The following TRPM5 variants were observed in gnomAD, a reference collection of about 807,000 sequenced individuals.
The protein encoded by TRPM5 is MLSN1 and TRP-related.
TRPM5 carries 121 observed loss-of-function variants against 124.9 expected under a neutral mutation model. The ratio of observed to expected loss-of-function variants is 0.97; its 90% CI spans 0.84 to 1.13. The LOEUF (loss-of-function observed/expected upper bound fraction) is 1.13, where lower values mean the gene tolerates loss of function less well. Among genes scored for constraint, TRPM5 ranks in the 50% most tolerant of loss-of-function variants. The pLI is 0.00. For synonymous variants in TRPM5, 781 were observed against 700.5 expected (o/e 1.11, Z -1.81); for missense variants, 1,643 against 1,589.1 (o/e 1.03, Z -0.58).
At chr11:2,428,212 A>G in the TRPM5 span, among the ~76,000 whole-genome samples, 2 of 152,192 alleles carry the variant, frequency 1.3e-5, no homozygotes, top group Non-Finnish European at 2.9e-5. This position sits in a 1 kb window ranked among gnomAD's most constrained non-coding sequence, Gnocchi z 4.0. Flanking sequence ...CAGGTAACAC[A>G]TGAGGAGAAC....
At chr11:2,415,824 C>A in intron 8 of TRPM5, 82 bp downstream of exon 13, 1 of 1,070,048 alleles carries the variant, frequency 9.3e-7, no homozygotes, top group Admixed American at 2.1e-5. Context: ...AGCCAAGCAG[C>A]CCACAGGGTG....
the TRPM5 span, among the ~76,000 whole-genome samples, chr11:2,441,039 G>C: frequency 6.6e-6 from 1 of 152,242 alleles, no homozygotes; most frequent in Non-Finnish European, 1.5e-5. The surrounding 1 kb of genome is among the most constrained non-coding windows in gnomAD (Gnocchi z 7.2). Context: ...GAAGGTTGGT[G>C]TGAGGTAGAT....
chr11:2,432,380 C>T, the TRPM5 span, among the ~76,000 whole-genome samples: 4 of 152,218 alleles, frequency 2.6e-5, no homozygotes, highest in Non-Finnish European at 5.9e-5. Context: ...GGGCCCAGCC[C>T]CTGCCCCCAC....
At chr11:2,417,588 A>G (rs570347674) in intron 7 of TRPM5, 139 bp downstream of exon 12, 11 of 627,940 alleles carry the variant, frequency 1.8e-5, no homozygotes, top group African/African-American at 5.5e-5. Context: ...AGACAGCTTC[A>G]TGAATCATGT....
the TRPM5 span, among the ~76,000 whole-genome samples, chr11:2,430,866 TTGG>T: frequency 3.0e-4 from 30 of 101,410 alleles, no homozygotes; most frequent in Admixed American, 3.0e-3. Flanking sequence ...GGAGGTGGTG[TTGG>T]TGGTGGTGGT....
At chr11:2,417,699 C>T (rs1461793929) in intron 7 of TRPM5, 28 bp downstream of exon 12, 2 of 1,459,794 alleles carry the variant, frequency 1.4e-6, no homozygotes, top group East Asian at 4.8e-5. Context: ...CCAATGGCGC[C>T]TGCCTTGCCC....
chr11:2,405,751 C>A (rs560321735), intron 22 of TRPM5, among the ~76,000 whole-genome samples, 158 bp from the exon 28 acceptor site: 1 of 152,126 alleles, frequency 6.6e-6, no homozygotes, highest in East Asian at 1.9e-4. Flanking sequence ...GTGAGGCTCC[C>A]GTGAGGCGTG....
exon 17 of TRPM5, chr11:2,411,689 A>G: frequency 1.2e-6 from 2 of 1,612,534 alleles, no homozygotes; most frequent in Non-Finnish European, 1.7e-6. Flanking sequence ...TGGCAAAGAT[A>G]TGGATCAGCC....
the TRPM5 span, among the ~76,000 whole-genome samples, chr11:2,441,335 G>A: frequency 1.3e-5 from 2 of 152,150 alleles, no homozygotes; most frequent in East Asian, 3.8e-4. This position sits in a 1 kb window ranked among gnomAD's most constrained non-coding sequence, Gnocchi z 7.2. Context: ...CACACAGAGA[G>A]TGGCCACTGG....
Position 2,414,698 on chromosome 11 carries a change from A to C in TRPM5, c.1744+17T>G, listed in dbSNP as rs749985152. 52 of 1,526,056 alleles carry C rather than the reference A, an allele frequency of 3.4e-5. No homozygotes were observed. The highest frequency in any genetic ancestry group is 4.4e-5 in the Non-Finnish European group (50 of 1,137,038). 94.5% of individuals were successfully genotyped at this position (1,526,056 alleles called of 1,614,324 possible). A position where few individuals can be genotyped will look rare whatever the true frequency, so the allele number is the denominator to read the frequency against. ...CTCCCCCGCGCGCGGGCCCGGCCCC[A>C]GCCGCCGGTCACTCACCAAGGGCCA... On this transcript the variant is annotated intron_variant, in intron 11 of 23. Coordinates refer to ENST00000155858, the Ensembl canonical transcript of TRPM5.
rs770058245 is a variant in TRPM5, at chr11:2,406,647, A to G, written c.3251+14T>C. The G allele has an allele frequency of 2.5e-6, 4 of 1,599,646 alleles. No individual in the cohort carries two copies. Among genetic ancestry groups the G allele is most frequent in the South Asian group, 1.1e-5 (1 of 88,356 alleles). On this transcript the variant is annotated intron_variant, in intron 21 of 23. Coordinates refer to ENST00000155858, the Ensembl canonical transcript of TRPM5. ...AGCCCGATACCCACCAGTGATCAGG[A>G]CAGGCCCCCGCACCTGTGGGCGGTT...
Position 2,413,129 on chromosome 11 carries a change from C to T in TRPM5, c.2096+5G>A, listed in dbSNP as rs746077730. 31 of 1,553,074 alleles carry T rather than the reference C, an allele frequency of 2.0e-5. No individual in the cohort carries two copies. Among genetic ancestry groups the T allele is most frequent in the African/African-American group, 2.7e-5 (2 of 73,408 alleles). ...CTCCACCCTGCCTGGCCCTGTGCCT[C>T]GCACCGGCTCTGCAGGCCATACAGC... On this transcript the variant is annotated splice_donor_5th_base_variant and intron_variant, in intron 14 of 23. Coordinates refer to ENST00000155858, the Ensembl canonical transcript of TRPM5.
At chr11:2,424,930 C>T (rs1019626189), upstream of TRPM5, among the ~76,000 whole-genome samples, 11 of 152,218 alleles carry the variant, frequency 7.2e-5, no homozygotes, top group East Asian at 1.5e-3. Context: ...CCTGTGGAGG[C>T]GCCCTGATGC....
At chr11:2,443,971 G>T in the TRPM5 span, among the ~76,000 whole-genome samples, 1 of 152,206 alleles carries the variant, frequency 6.6e-6, no homozygotes, top group South Asian at 2.1e-4. This position sits in a 1 kb window ranked among gnomAD's most constrained non-coding sequence, Gnocchi z 5.0. Context: ...GGTCTCGACG[G>T]TGGGGAGGAC....
At chr11:2,406,968 C>T (rs1589865244) in intron 20 of TRPM5, 151 bp downstream of exon 25, 3 of 1,295,028 alleles carry the variant, frequency 2.3e-6, no homozygotes, top group East Asian at 2.5e-5. Context: ...TGGACGGGCT[C>T]AGCTGTGCCA....
At chr11:2,418,204 T>A in exon 6 of TRPM5, 1 of 1,584,004 alleles carries the variant, frequency 6.3e-7, no homozygotes, top group Non-Finnish European at 8.6e-7. Flanking sequence ...CCAAGAGAAA[T>A]GCTTGCTGGG....
At chr11:2,413,769 G>A (rs1350481969) in intron 12 of TRPM5, among the ~76,000 whole-genome samples, 181 bp from the exon 18 acceptor site, 1 of 152,228 alleles carries the variant, frequency 6.6e-6, no homozygotes, top group Non-Finnish European at 1.5e-5. Flanking sequence ...CTCATCCCAG[G>A]GGTGTGGGTT....
chr11:2,418,424 AG>A (rs776386173), intron 5 of TRPM5, 66 bp from the exon 11 acceptor site: 23 of 1,503,728 alleles, frequency 1.5e-5, no homozygotes, highest in Non-Finnish European at 1.9e-5. Flanking sequence ...TGCAGGTGTC[AG>A]GGGTGCCCCC....
chr11:2,406,568 C>A, intron 21 of TRPM5, 93 bp downstream of exon 26: 1 of 1,489,640 alleles, frequency 6.7e-7, no homozygotes, highest in Non-Finnish European at 9.0e-7. Context: ...AGCTTCAGTT[C>A]GCCAGCTCAG....
Sources: allele counts gnomAD v4.1 joint callset (sites outside exome capture counted in the v4.1 genomes callset), GRCh38; gene constraint gnomAD v4.1.1; non-coding constraint Gnocchi (gnomAD v3.1); transcripts MANE v1.5; gene names NCBI Gene and HGNC (gene_info 2026-07-23, HGNC 2026-07-21).